The following MFN1 variants were observed in gnomAD, a reference collection of about 807,000 sequenced individuals.
The protein encoded by MFN1 is mitofusin-1.
MFN1 carries 65 observed loss-of-function variants against 92.4 expected under a neutral mutation model. The observed-to-expected ratio is 0.70, with a 90% CI of 0.58 to 0.86. MFN1 has a LOEUF of 0.86. MFN1 is among the 40% of genes least tolerant of loss of function. The probability of loss-of-function intolerance (pLI) is 0.00; values close to 1 mark genes in which losing one functional copy is unlikely to be tolerated. For synonymous variants in MFN1, 297 were observed against 300.9 expected, an observed-to-expected ratio of 0.99 and a Z score of 0.13; for missense variants, 781 against 868.0, an observed-to-expected ratio of 0.90 and a Z score of 1.26.
rs1396783301 is a variant in MFN1 at position 179,386,509 on chromosome 3, T to C, written c.1892T>C (p.Leu631Pro). 6.2e-6 allele frequency: 10 copies of C among 1,613,922 alleles called. No homozygotes were observed. Among genetic ancestry groups the C allele is most frequent in the Non-Finnish European group, 7.6e-6 (9 of 1,179,930 alleles). ...MYGALYLYER[L>P]SWTTHAKERA... is the part of the protein sequence containing the mutation. The stretch of plus-strand genomic sequence containing the variant: ...GGAGCTTTGTATCTTTATGAAAGAC[T>C]GAGCTGGACCACCCATGCCAAGGAG... Residue 631 changes from leucine (L) to proline (P), a missense_variant, in exon 16 of 18, where the codon CTG becomes CCG. Transcript: ENST00000471841.
intron 3 of MFN1, among the ~76,000 whole-genome samples, chr3:179,357,191 G>A (rs1365942294): frequency 1.3e-5 from 2 of 152,144 alleles, no homozygotes; most frequent in Non-Finnish European, 2.9e-5. Context: ...CAGAGCTCCT[G>A]TCTATAGAAA....
chr3:179,380,352 G>A (rs1317512276), intron 14 of MFN1, among the ~76,000 whole-genome samples: 1 of 152,224 alleles, frequency 6.6e-6, no homozygotes, highest in Non-Finnish European at 1.5e-5. Context: ...ACTGTGCTGG[G>A]ATGTGCTAAT....
chr3:179,378,269 T>A, intron 12 of MFN1, 72 bp from the exon 13 acceptor site: 1 of 1,126,072 alleles, frequency 8.9e-7, no homozygotes, highest in Non-Finnish European at 1.3e-6. Flanking sequence ...ATTTACTGAA[T>A]ATTTTATGTC....
intron 2 of MFN1, among the ~76,000 whole-genome samples, chr3:179,349,178 AT>A (rs1712040171): frequency 6.6e-6 from 1 of 152,184 alleles, no homozygotes; most frequent in Non-Finnish European, 1.5e-5. Flanking sequence ...AGCTCATTTA[AT>A]TTTCATCACC....
intron 12 of MFN1, among the ~76,000 whole-genome samples, chr3:179,377,697 G>A (rs1390085566): frequency 6.6e-6 from 1 of 152,186 alleles, no homozygotes; most frequent in Non-Finnish European, 1.5e-5. Context: ...ACTTTGGGAG[G>A]CCGAGGTGGG....
rs745701667 is a variant in MFN1 at position 179,378,805 on chromosome 3, T to G, written c.1653T>G (p.Pro551=). 6.2e-6 allele frequency: 10 copies of G among 1,609,134 alleles called. No homozygotes were observed. The highest frequency in any genetic ancestry group is 7.7e-6 in the Non-Finnish European group (9 of 1,175,844). ...GGGTGCTCCTAGGATTATCAGAGCC[T>G]ATCTTTCAGGTATGTATCTTTGAAT... ...AQRVLLGLSE[P]IFQLPRSLAS... is the part of the protein sequence containing the mutation. The change falls in exon 14 of 18, where the codon CCT becomes CCG. Residue 551 remains proline (P), a synonymous_variant. Transcript: ENST00000471841.
chr3:179,372,212 A>C (rs1464252465), intron 9 of MFN1, among the ~76,000 whole-genome samples: 1 of 150,608 alleles, frequency 6.6e-6, no homozygotes, highest in African/African-American at 2.4e-5. Context: ...TTAATATTTG[A>C]TATATCTAGA....
In MFN1 at chr3:179,378,363, A is replaced by G. The variant is rs1254914238; in HGVS notation, c.1352A>G (p.Asp451Gly). The G allele has an allele frequency of 1.2e-6, 2 of 1,603,234 alleles. No homozygotes were observed. The highest frequency in any genetic ancestry group is 2.3e-5 in the South Asian group (2 of 88,200). The change falls in exon 13 of 18, where the codon GAT (aspartate) becomes GGT (glycine). Residue 451 changes from aspartate (D) to glycine (G), a missense_variant. Asp to Gly is a moderately conservative substitution (Grantham distance 94). Coordinates refer to ENST00000471841, the MANE Select transcript of MFN1 (RefSeq NM_033540.3). ...YKSELNKHIE[D>G]GMGRNLADRC... ...CAGGAATTAAATAAGCACATAGAGG[A>G]TGGTATGGGAAGAAATTTGGCTGAT...
chr3:179,384,066 A>T lies in MFN1; in HGVS notation c.1663-1503A>T, dbSNP rs192278530. ...CTGGAGGTTTCCTATAAATGCAATC[A>T]TATAGAATGTGGCCTTATATGACTG... On this transcript the variant is annotated intron_variant, in intron 14 of 17. Transcript: ENST00000471841. 1.3e-3 allele frequency among the ~76,000 whole-genome samples: 204 copies of T among 152,322 alleles called. 1 individual carries two copies. Among genetic ancestry groups the T allele is most frequent in the African/African-American group, 4.5e-3 (188 of 41,568 alleles).
At chr3:179,359,307 G>A (rs1424994055) in intron 4 of MFN1, among the ~76,000 whole-genome samples, 1 of 150,526 alleles carries the variant, frequency 6.6e-6, no homozygotes, top group African/African-American at 2.4e-5. Flanking sequence ...TTTTAGTAGA[G>A]ATGGGGGTTT....
At chr3:179,385,479 A>G in intron 14 of MFN1, 90 bp from the exon 15 acceptor site, 1 of 1,155,138 alleles carries the variant, frequency 8.7e-7, no homozygotes, top group Non-Finnish European at 1.2e-6. Flanking sequence ...TTTCCCTCAT[A>G]GATGTGCTAC....
At chr3:179,357,959 T>G (rs1422503030) in intron 3 of MFN1, among the ~76,000 whole-genome samples, 3 of 152,098 alleles carry the variant, frequency 2.0e-5, no homozygotes, top group Non-Finnish European at 4.4e-5. Flanking sequence ...ATTCAAAGAC[T>G]AGGACTGTTG....
In MFN1 at chr3:179,365,217, A is replaced by G. The variant is rs1712739484; in HGVS notation, c.745A>G (p.Met249Val). ...WDASASEPEYMEDVRRQHMER... is the reference protein window; with the variant it reads ...WDASASEPEYVEDVRRQHMER... ...TGCCTCTGCATCAGAGCCAGAATATATGGAAGACGTAAGTTGTTATTTTTT... is the reference window on the plus strand; with the variant it reads ...TGCCTCTGCATCAGAGCCAGAATATGTGGAAGACGTAAGTTGTTATTTTTT... The change falls in exon 7 of 18, where the codon ATG becomes GTG. Residue 249 changes from methionine (M) to valine (V), a missense_variant. Coordinates refer to ENST00000471841, the MANE Select transcript of MFN1 (RefSeq NM_033540.3). The G allele has an allele frequency of 4.6e-6, 7 of 1,528,522 alleles. No individual in the cohort carries two copies. Among genetic ancestry groups the G allele is most frequent in the Non-Finnish European group, 6.1e-6 (7 of 1,143,218 alleles). The allele number at this position is 1,528,522 out of a possible 1,614,324, so 94.7% of individuals were successfully genotyped here. A position where few individuals can be genotyped will look rare whatever the true frequency, so the allele number is the denominator to read the frequency against.
chr3:179,375,891 A>G (rs1713221337), intron 10 of MFN1, among the ~76,000 whole-genome samples: 5 of 152,208 alleles, frequency 3.3e-5, no homozygotes. Context: ...TAAAGGTGGC[A>G]ATGAATACAT....
rs540094784 is a variant in MFN1, at chr3:179,393,396, T to A, written c.*1337T>A. 1 of 152,122 alleles carries A rather than the reference T, an allele frequency of 6.6e-6. No homozygotes were observed. Among genetic ancestry groups the A allele is most frequent in the Non-Finnish European group, 1.5e-5 (1 of 68,020 alleles). The allele number at this position is 152,122 out of a possible 1,614,324, so 9.4% of individuals were successfully genotyped here. A position where few individuals can be genotyped will look rare whatever the true frequency, so the allele number is the denominator to read the frequency against. On this transcript the variant is annotated 3_prime_UTR_variant, in exon 18 of 18. Coordinates refer to ENST00000471841, the MANE Select transcript of MFN1 (RefSeq NM_033540.3). ...ACATGTAGTTTATGTTTCCTTTTCA[T>A]GGGAGGGATAAAATTTAAAGCTTTT...
intron 16 of MFN1, among the ~76,000 whole-genome samples, chr3:179,387,289 T>G (rs780978314): frequency 6.6e-6 from 1 of 152,132 alleles, no homozygotes; most frequent in Non-Finnish European, 1.5e-5. Flanking sequence ...CTCACGCCTA[T>G]AATCCCAGCA....
chr3:179,353,220 A>ATTTTTTTT (rs34658521), intron 3 of MFN1, among the ~76,000 whole-genome samples: 1 of 130,892 alleles, frequency 7.6e-6, no homozygotes. Flanking sequence ...CACCTGGCTA[A>ATTTTTTTT]TTTTTTTTTT....
In MFN1 at chr3:179,394,372, A is replaced by ATGTT. The variant is rs1714013189; in HGVS notation, c.*2314_*2317dup. ...CTGATCAATTGTGAAAACATAATGA[A>ATGTT]TGTTGGAAATGGAACAGTAAAATAA... On this transcript the variant is annotated 3_prime_UTR_variant, in exon 18 of 18. Coordinates refer to ENST00000471841, the MANE Select transcript of MFN1 (RefSeq NM_033540.3). 3 of 149,780 alleles carry ATGTT rather than the reference A, an allele frequency of 2.0e-5. No individual in the cohort carries two copies. Among genetic ancestry groups the ATGTT allele is most frequent in the African/African-American group, 7.4e-5 (3 of 40,624 alleles). 9.3% of individuals were successfully genotyped at this position (149,780 alleles called of 1,614,324 possible).
At position 179,375,286 on chromosome 3, in the gene MFN1, C is replaced by T. The variant is rs777965394; in HGVS notation, c.1042C>T (p.Leu348=). 2 of 1,613,876 alleles carry T rather than the reference C, an allele frequency of 1.2e-6. No individual in the cohort carries two copies. The highest frequency in any genetic ancestry group is 1.1e-5 in the South Asian group (1 of 91,068). The change falls in exon 10 of 18, where the codon CTA becomes TTA. Residue 348 remains leucine, a synonymous_variant. Transcript: ENST00000471841. ...GCACACTATCAGAGCTAAACAGATA[C>T]TAGCTACTGTGAAAAACATAATGGA... ...EQHTIRAKQI[L]ATVKNIMDSV... is the part of the protein sequence containing the mutation.
Sources: gnomAD v4.1 joint callset for allele counts (sites outside exome capture counted in the v4.1 genomes callset) on GRCh38, gnomAD v4.1.1 for gene constraint, MANE v1.5 for transcripts, NCBI Gene and HGNC (gene_info 2026-07-23, HGNC 2026-07-21) for gene names.